The following YEATS2 variants were observed in gnomAD, a reference collection of about 807,000 sequenced individuals.
YEATS2 encodes the protein YEATS domain containing 2, also known as YEATS domain-containing protein 2.
In YEATS2, 77 loss-of-function variants were observed where a neutral mutation model predicts 163.2. That is an observed-to-expected ratio of 0.47 (90% CI 0.39 to 0.57). YEATS2 has a LOEUF of 0.57. YEATS2 is among the 20% of genes least tolerant of loss of function. The pLI is 0.00. For synonymous variants in YEATS2, 631 were observed against 645.1 expected, an observed-to-expected ratio of 0.98 and a Z score of 0.33; for missense variants, 1,549 against 1,729.8, an observed-to-expected ratio of 0.90 and a Z score of 1.85.
At chr3:183,730,687 T>G (rs1717693040) in intron 7 of YEATS2, among the ~76,000 whole-genome samples, 1 of 152,114 alleles carries the variant, frequency 6.6e-6, no homozygotes, top group African/African-American at 2.4e-5. Context: ...TCAAAGGAGT[T>G]GAGGCTTTTT....
At chr3:183,765,630 G>T (rs899286080) in intron 15 of YEATS2, among the ~76,000 whole-genome samples, 1 of 152,188 alleles carries the variant, frequency 6.6e-6, no homozygotes, top group Non-Finnish European at 1.5e-5. Flanking sequence ...CCTGGTTATT[G>T]CTGAAGTGCA....
chr3:183,749,544 C>T (rs948683700), intron 9 of YEATS2, among the ~76,000 whole-genome samples: 2 of 152,178 alleles, frequency 1.3e-5, no homozygotes, highest in African/African-American at 2.4e-5. Context: ...ATATGTGTCT[C>T]TTTGGGATTG....
chr3:183,751,618 G>A (rs1720175883), intron 9 of YEATS2, among the ~76,000 whole-genome samples: 1 of 152,170 alleles, frequency 6.6e-6, no homozygotes, highest in South Asian at 2.1e-4. Context: ...AAACACAAAA[G>A]CAAATAAAAT....
chr3:183,807,420 T>TA, intron 28 of YEATS2: 1 of 323,448 alleles, frequency 3.1e-6, no homozygotes. Context: ...TCTGCCTCAG[T>TA]AGAAGCACCT....
chr3:183,752,281 G>A (rs577500168), intron 10 of YEATS2, 28 bp downstream of exon 10: 39 of 1,613,214 alleles, frequency 2.4e-5, no homozygotes, highest in Middle Eastern at 1.7e-4. Context: ...CTTGCATAGC[G>A]TTGTTCTGAG....
chr3:183,746,935 T>C (rs1719611126), intron 8 of YEATS2, among the ~76,000 whole-genome samples: 1 of 152,092 alleles, frequency 6.6e-6, no homozygotes, highest in Admixed American at 6.5e-5. Flanking sequence ...AATTTAATAC[T>C]TTTCCCTGTT....
chr3:183,717,817 A>G, intron 3 of YEATS2, 69 bp downstream of exon 3: 1 of 942,486 alleles, frequency 1.1e-6, no homozygotes, highest in East Asian at 3.0e-5. Context: ...TTGAAAAATA[A>G]TCTATTGAGA....
chr3:183,781,371 A>G (rs534198508), intron 19 of YEATS2, among the ~76,000 whole-genome samples: 109 of 152,256 alleles, frequency 7.2e-4, no homozygotes, highest in Non-Finnish European at 1.2e-3. Flanking sequence ...CAGCTTAAGA[A>G]GAGAGAGAGA....
chr3:183,704,626 T>C (rs1019621545), intron 1 of YEATS2, among the ~76,000 whole-genome samples: 3 of 152,044 alleles, frequency 2.0e-5, no homozygotes, highest in Non-Finnish European at 4.4e-5. Context: ...ATGATTTACA[T>C]TTTATGAACT....
chr3:183,806,549 G>GA, intron 27 of YEATS2: 1 of 443,846 alleles, frequency 2.3e-6, no homozygotes, highest in South Asian at 1.9e-5. Flanking sequence ...TTGAGATGAG[G>GA]AAAAATCAGG....
chr3:183,773,297 C>G (rs533364478), intron 16 of YEATS2, among the ~76,000 whole-genome samples: 2 of 152,160 alleles, frequency 1.3e-5, no homozygotes, highest in East Asian at 3.9e-4. Context: ...TCGTCCAAAC[C>G]ACAGTACTTT....
At chr3:183,775,620 A>G (rs1193178611) in intron 17 of YEATS2, among the ~76,000 whole-genome samples, 1 of 152,208 alleles carries the variant, frequency 6.6e-6, no homozygotes, top group Non-Finnish European at 1.5e-5. Flanking sequence ...AGAAAATGTC[A>G]GTAGCAAGCC....
chr3:183,773,484 C>T (rs2108390604), intron 16 of YEATS2, 149 bp from the exon 17 acceptor site: 1 of 772,118 alleles, frequency 1.3e-6, no homozygotes, highest in Non-Finnish European at 2.0e-6. Flanking sequence ...GAATATCAGT[C>T]TTTAAAGCAT....
At chr3:183,802,519 A>ATATATATACACACGTG (rs1560335098) in intron 25 of YEATS2, 1 of 62,366 alleles carries the variant, frequency 1.6e-5, no homozygotes, top group Non-Finnish European at 4.2e-5. Context: ...GTATACATGT[A>ATATATATACACACGTG]TATATATATA....
chr3:183,748,685 G>C (rs1719829546), intron 9 of YEATS2, among the ~76,000 whole-genome samples: 2 of 151,362 alleles, frequency 1.3e-5, no homozygotes, highest in African/African-American at 2.4e-5. Context: ...CTGCAACCTT[G>C]AATTGCTAGA....
intron 9 of YEATS2, among the ~76,000 whole-genome samples, chr3:183,748,800 A>G (rs917079830): frequency 7.9e-5 from 12 of 151,748 alleles, no homozygotes; most frequent in Middle Eastern, 3.2e-3. Context: ...GTGTCTTACT[A>G]TGTTCACAGG....
intron 20 of YEATS2, among the ~76,000 whole-genome samples, chr3:183,786,520 A>G (rs1724081526): frequency 6.6e-6 from 1 of 152,126 alleles, no homozygotes. Flanking sequence ...GATTACCATC[A>G]TCTAATCCCA....
chr3:183,804,308 C>A, intron 27 of YEATS2, 120 bp downstream of exon 27: 1 of 1,196,980 alleles, frequency 8.4e-7, no homozygotes, highest in Non-Finnish European at 1.2e-6. Flanking sequence ...TACCTCCTGC[C>A]GTGTCCTTCG....
chr3:183,773,066 A>C (rs1722643279), intron 16 of YEATS2, among the ~76,000 whole-genome samples: 1 of 152,228 alleles, frequency 6.6e-6, no homozygotes. Context: ...ATGACAAGAA[A>C]AAAGTCTGTA....
Sources: gnomAD v4.1 joint callset for allele counts (sites outside exome capture counted in the v4.1 genomes callset) on GRCh38, gnomAD v4.1.1 for gene constraint, MANE v1.5 for transcripts, NCBI Gene and HGNC (gene_info 2026-07-23, HGNC 2026-07-21) for gene names.